ADNP2: variants seen among roughly 807,000 people sequenced by gnomAD.
The protein encoded by ADNP2 is activity-dependent neuroprotector homeobox protein 2.
ADNP2 carries 8 observed loss-of-function variants against 16.4 expected under a neutral mutation model. The ratio of observed to expected loss-of-function variants is 0.49; its 90% CI spans 0.29 to 0.88. ADNP2 has a LOEUF of 0.88. Ranked by LOEUF, ADNP2 falls within the 40% of genes least tolerant of loss-of-function variation. The pLI, the probability that ADNP2 is intolerant of heterozygous loss-of-function variation, is 0.09. For synonymous variants in ADNP2, 637 were observed against 545.8 expected (o/e 1.17, Z -2.33); for missense variants, 1,397 against 1,395.1 (o/e 1.00, Z -0.02).
intron 2 of ADNP2, among the ~76,000 whole-genome samples, chr18:80,123,904 A>G (rs1458801654): frequency 6.7e-6 from 1 of 149,970 alleles, no homozygotes; most frequent in Non-Finnish European, 1.5e-5. Flanking sequence ...TAATTTTTGT[A>G]TTTTTAGTAG....
chr18:80,113,797 T>C (rs938714459), intron 1 of ADNP2, among the ~76,000 whole-genome samples: 2 of 152,140 alleles, frequency 1.3e-5, no homozygotes, highest in African/African-American at 4.8e-5. Context: ...TATGTGGTTA[T>C]GGTACTAAGT....
At position 80,136,038 on chromosome 18, in the gene ADNP2, A is replaced by G. The variant is rs745873475; in HGVS notation, c.625A>G (p.Ile209Val). ...TAACGATACTGTTTCTATAGAGAAG[A>G]TCCCACCACCTGACAAATATTACTG... is the stretch of plus-strand genomic sequence containing the variant. ...KTNDTVSIEK[I>V]PPPDKYYCKK... Residue 209 changes from isoleucine (I) to valine (V), a missense_variant, in exon 4 of 4, where the codon ATC (isoleucine) becomes GTC (valine). Ile to Val is a conservative substitution (Grantham distance 29, BLOSUM62 3). Transcript: ENST00000262198. 2.7e-5 allele frequency: 44 copies of G among 1,614,122 alleles called. No homozygotes were observed. In the East Asian group the frequency reaches 9.8e-4, roughly 36 times the overall value.
At chr18:80,117,886 T>C (rs1485475951) in intron 2 of ADNP2, among the ~76,000 whole-genome samples, 1 of 152,200 alleles carries the variant, frequency 6.6e-6, no homozygotes, top group African/African-American at 2.4e-5. Context: ...TAAAAAATTG[T>C]TTTTGATGTT....
At chr18:80,114,466 A>G (rs2052376754) in intron 1 of ADNP2, among the ~76,000 whole-genome samples, 2 of 152,214 alleles carry the variant, frequency 1.3e-5, no homozygotes, top group Admixed American at 6.5e-5. Flanking sequence ...TTTTTAGGAA[A>G]GTTACAAGTA....
At chr18:80,128,302 G>T (rs958265268) in intron 2 of ADNP2, among the ~76,000 whole-genome samples, 1 of 152,326 alleles carries the variant, frequency 6.6e-6, no homozygotes, top group Middle Eastern at 3.4e-3. Context: ...CCTGTGTGTT[G>T]TATACTTTAT....
Position 80,137,878 on chromosome 18 carries a change from A to G in ADNP2, c.2465A>G (p.His822Arg). The change falls in exon 4 of 4, where the codon CAC becomes CGC. Residue 822 changes from histidine (H) to arginine (R), a missense_variant. Around this residue, in one of 3 missense-constraint regions of ADNP2, gnomAD observed 611 missense variants for 648.7 expected, o/e 0.94. Coordinates refer to ENST00000262198, the MANE Select transcript of ADNP2 (RefSeq NM_014913.4). This position sits in a 1 kb window ranked among gnomAD's most constrained non-coding sequence, Gnocchi z 4.2. ...GCCAATGGCAACCTGCTCTTTCCCC[A>G]CCTTGATTTCATCACCATATTGCCA... is the stretch of plus-strand genomic sequence containing the variant. ...VDANGNLLFPHLDFITILPKE... is the reference protein window; with the variant it reads ...VDANGNLLFPRLDFITILPKE... 1.2e-6 allele frequency: 2 copies of G among 1,614,072 alleles called. No homozygotes were observed. Among genetic ancestry groups the G allele is most frequent in the Non-Finnish European group, 1.7e-6 (2 of 1,180,036 alleles).
chr18:80,127,877 C>T (rs1324665167), intron 2 of ADNP2, among the ~76,000 whole-genome samples: 1 of 152,216 alleles, frequency 6.6e-6, no homozygotes, highest in African/African-American at 2.4e-5. Context: ...GTTTTACCTT[C>T]TCCTTTCACT....
chr18:80,136,462 C>T lies in ADNP2; in HGVS notation c.1049C>T (p.Pro350Leu). 1 of 1,614,232 alleles carries T rather than the reference C, an allele frequency of 6.2e-7. No individual in the cohort carries two copies. The highest frequency in any genetic ancestry group is 8.5e-7 in the Non-Finnish European group (1 of 1,180,040). The change falls in exon 4 of 4, where the codon CCA becomes CTA. Residue 350 changes from proline (P) to leucine (L), a missense_variant. By Grantham distance (98) the Pro-to-Leu change is moderately conservative (BLOSUM62 -3). Coordinates refer to ENST00000262198, the MANE Select transcript of ADNP2 (RefSeq NM_014913.4). Reference sequence around the variant, plus strand: ...CAGAACAGCCTCACCCTGCAGCCCCCAGCACCTCAGCCCGTCTTTCTTTCT... The same window carrying T: ...CAGAACAGCCTCACCCTGCAGCCCCTAGCACCTCAGCCCGTCTTTCTTTCT... ...VGQNSLTLQP[P>L]APQPVFLSHG...
intron 2 of ADNP2, among the ~76,000 whole-genome samples, chr18:80,131,686 C>T (rs1175094733): frequency 6.6e-6 from 1 of 151,292 alleles, no homozygotes; most frequent in African/African-American, 2.4e-5. Flanking sequence ...AGGATGAGTT[C>T]ATGTCCTTTG....
intron 2 of ADNP2, among the ~76,000 whole-genome samples, chr18:80,130,466 C>T (rs1285659769): frequency 4.6e-5 from 7 of 152,162 alleles, no homozygotes. Context: ...TTTCTACACG[C>T]TTTGTGAAGT....
rs770212235 is a variant in ADNP2 at position 80,138,088 on chromosome 18, T to C, written c.2675T>C (p.Leu892Pro). 2 of 1,613,902 alleles carry C rather than the reference T, an allele frequency of 1.2e-6. No individual in the cohort carries two copies. The highest frequency in any genetic ancestry group is 1.7e-6 in the Non-Finnish European group (2 of 1,180,034). ...GPFVTTEAYE[L>P]HLKERHHIMP... ...TTTGTGACAACTGAGGCCTATGAGCTGCATTTGAAGGAGAGGCACCACATC... is the reference window on the plus strand; with the variant it reads ...TTTGTGACAACTGAGGCCTATGAGCCGCATTTGAAGGAGAGGCACCACATC... Residue 892 changes from leucine (L) to proline (P), a missense_variant, in exon 4 of 4, where the codon CTG becomes CCG. Physicochemically the swap from Leu to Pro is moderately conservative, Grantham distance 98. Coordinates refer to ENST00000262198, the MANE Select transcript of ADNP2 (RefSeq NM_014913.4).
At position 80,136,942 on chromosome 18, in the gene ADNP2, C is replaced by T; in HGVS notation, c.1529C>T (p.Ser510Phe). Reference sequence around the variant, plus strand: ...CAGACAGCCCCATTGAGGGTTATCTCTGCAGGCCAGGTGGTCCCGTCTGGG... The same window carrying T: ...CAGACAGCCCCATTGAGGGTTATCTTTGCAGGCCAGGTGGTCCCGTCTGGG... ...PGQTAPLRVI[S>F]AGQVVPSGLL... is the part of the protein sequence containing the mutation. Residue 510 changes from serine (S) to phenylalanine (F), a missense_variant, in exon 4 of 4, where the codon TCT becomes TTT. By Grantham distance (155) the Ser-to-Phe change is radical. Transcript: ENST00000262198. The T allele has an allele frequency of 6.2e-7, 1 of 1,613,926 alleles. No individual in the cohort carries two copies. Among genetic ancestry groups the T allele is most frequent in the Non-Finnish European group, 8.5e-7 (1 of 1,179,844 alleles).
In ADNP2 at chr18:80,138,774, G is replaced by T; in HGVS notation, c.3361G>T (p.Val1121Leu). The change falls in exon 4 of 4, where the codon GTG becomes TTG. Residue 1121 changes from valine (V) to leucine (L), a missense_variant. Physicochemically the swap from Val to Leu is conservative, Grantham distance 32 (BLOSUM62 1). Coordinates refer to ENST00000262198, the MANE Select transcript of ADNP2 (RefSeq NM_014913.4). The part of the protein sequence containing the change: ...LGFDMSELKN[V>L]KHRLNFEYEP ...CTTTGATATGTCTGAACTTAAAAAT[G>T]TGAAACATAGATTGAACTTTGAATA... 6.4e-7 allele frequency: 1 copy of T among 1,560,866 alleles called. No individual in the cohort carries two copies. Among genetic ancestry groups the T allele is most frequent in the Non-Finnish European group, 8.6e-7 (1 of 1,159,942 alleles).
intron 2 of ADNP2, among the ~76,000 whole-genome samples, chr18:80,119,474 C>T (rs1404450881): frequency 6.6e-6 from 1 of 151,516 alleles, no homozygotes; most frequent in Non-Finnish European, 1.5e-5. Context: ...AGAGAAAGAA[C>T]CAAGGAAACT....
At chr18:80,132,042 C>T (rs191220281) in intron 2 of ADNP2, among the ~76,000 whole-genome samples, 205 of 152,262 alleles carry the variant, frequency 1.3e-3, no homozygotes, top group African/African-American at 3.6e-3. Flanking sequence ...TTTATATGTA[C>T]TCATGAAGCT....
In ADNP2 at chr18:80,138,630, A is replaced by G. The variant is rs1017394520; in HGVS notation, c.3217A>G (p.Ile1073Val). 9 of 1,608,848 alleles carry G rather than the reference A, an allele frequency of 5.6e-6. No individual in the cohort carries two copies. In the African/African-American group the frequency reaches 1.1e-4, roughly 19 times the overall value. The change falls in exon 4 of 4, where the codon ATA becomes GTA. Residue 1073 changes from isoleucine (I) to valine (V), a missense_variant. Around this residue, in one of 3 missense-constraint regions of ADNP2, gnomAD observed 611 missense variants for 648.7 expected, o/e 0.94. Transcript: ENST00000262198. The stretch of plus-strand genomic sequence containing the variant: ...GAAACCATATCCTAGTAAAAAGGAA[A>G]TAGAACTGTTGTCCTCACTCTTTTG... ...HKKPYPSKKEIELLSSLFWVW... is the reference protein window; with the variant it reads ...HKKPYPSKKEVELLSSLFWVW...
rs1316761194 is a variant in ADNP2, at chr18:80,133,084, T to G, written c.109-19T>G. ...CTTCTGAATTTACATAATCTCTTTT[T>G]TTTCTCCCTTTTTAAAAGGACCTTA... On this transcript the variant is annotated intron_variant, in intron 2 of 3. Coordinates refer to ENST00000262198, the MANE Select transcript of ADNP2 (RefSeq NM_014913.4). The G allele has an allele frequency of 2.0e-6, 3 of 1,500,036 alleles. No homozygotes were observed. Among genetic ancestry groups the G allele is most frequent in the Non-Finnish European group, 2.8e-6 (3 of 1,088,622 alleles). 92.9% of individuals were successfully genotyped at this position (1,500,036 alleles called of 1,614,324 possible).
chr18:80,137,177 G>C lies in ADNP2; in HGVS notation c.1764G>C (p.Gln588His). 1 of 1,614,226 alleles carries C rather than the reference G, an allele frequency of 6.2e-7. No individual in the cohort carries two copies. The highest frequency in any genetic ancestry group is 8.5e-7 in the Non-Finnish European group (1 of 1,180,040). The change falls in exon 4 of 4, where the codon CAG becomes CAC. Residue 588 changes from glutamine to histidine, a missense_variant. Gln to His is a conservative substitution (Grantham distance 24). Around this residue, in one of 3 missense-constraint regions of ADNP2, gnomAD observed 777 missense variants for 719.4 expected, o/e 1.08. Coordinates refer to ENST00000262198, the MANE Select transcript of ADNP2 (RefSeq NM_014913.4). This position sits in a 1 kb window ranked among gnomAD's most constrained non-coding sequence, Gnocchi z 4.2. ...VNQPVRPGAS[Q>H]NTTFLTSGSI... Reference sequence around the variant, plus strand: ...AGCCAGTGAGACCTGGTGCTTCGCAGAACACCACCTTCCTGACATCAGGCT... The same window carrying C: ...AGCCAGTGAGACCTGGTGCTTCGCACAACACCACCTTCCTGACATCAGGCT...
In ADNP2 at chr18:80,137,063, G is replaced by A; in HGVS notation, c.1650G>A (p.Val550=). The A allele has an allele frequency of 6.2e-7, 1 of 1,614,150 alleles. No individual in the cohort carries two copies. ...SGVLQLSQPV[V]SGVLPVGQPV... The stretch of plus-strand genomic sequence containing the variant: ...TTCTGCAGCTTAGTCAGCCTGTTGT[G>A]TCGGGAGTTCTTCCTGTGGGCCAGC... The change falls in exon 4 of 4, where the codon GTG becomes GTA. Residue 550 remains valine (V), a synonymous_variant. Transcript: ENST00000262198. The surrounding 1 kb of genome is among the most constrained non-coding windows in gnomAD (Gnocchi z 4.2).
Sources: gnomAD v4.1 joint callset for allele counts (sites outside exome capture counted in the v4.1 genomes callset) on GRCh38, gnomAD v4.1.1 for gene constraint, gnomAD v4.1.1 regional missense constraint, Gnocchi (gnomAD v3.1) non-coding constraint, MANE v1.5 for transcripts, NCBI Gene and HGNC (gene_info 2026-07-23, HGNC 2026-07-21) for gene names.